Variants in KCNQ3 observed in about 807,000 individuals in gnomAD.
The protein encoded by KCNQ3 is potassium voltage-gated channel subfamily KQT member 3.
A neutral mutation model predicts 92.5 loss-of-function variants in KCNQ3; 30 were observed. The ratio of observed to expected loss-of-function variants is 0.32; its 90% CI spans 0.24 to 0.44. The LOEUF is 0.44. Ranked by LOEUF, KCNQ3 falls within the 20% of genes least tolerant of loss-of-function variation. The pLI is 1.00. For missense variants in KCNQ3, 913 were observed against 1,140.3 expected (o/e 0.80, Z 2.87); for synonymous variants, 450 against 468.8 (o/e 0.96, Z 0.52).
At chr8:132,130,233 C>T (rs1160290731) in intron 14 of KCNQ3, among the ~76,000 whole-genome samples, 2 of 152,058 alleles carry the variant, frequency 1.3e-5, no homozygotes, top group Non-Finnish European at 2.9e-5. Flanking sequence ...AGGCACCCGC[C>T]ACCATGCCAG....
At chr8:132,388,227 G>A (rs139057252) in intron 1 of KCNQ3, among the ~76,000 whole-genome samples, 90 of 152,226 alleles carry the variant, frequency 5.9e-4, no homozygotes, top group African/African-American at 1.3e-3. Context: ...AGGCATAGTC[G>A]TTGTTTGCTC....
At position 132,246,141 on chromosome 8, in the gene KCNQ3, A is replaced by C. The variant is rs753568290; in HGVS notation, c.387-59960T>G. Among the ~76,000 whole-genome samples, 6 of 152,204 alleles carry C rather than the reference A, an allele frequency of 3.9e-5. No individual in the cohort carries two copies. The South Asian group carries it at 8.3e-4, about 21-fold the overall frequency. ...GGCCAGGGGCCCTCAGTTATTTCAG[A>C]AGAGTACAGCTGCTTACAGAAAACA... On this transcript the variant is annotated intron_variant, in intron 1 of 14. Transcript: ENST00000388996.
chr8:132,159,682 A>T (rs1825924179), intron 9 of KCNQ3, among the ~76,000 whole-genome samples: 1 of 152,168 alleles, frequency 6.6e-6, no homozygotes, highest in African/African-American at 2.4e-5. Context: ...CAGAGATAAG[A>T]GATAAAGAGA....
At chr8:132,179,486 T>A (rs551081605) in intron 4 of KCNQ3, among the ~76,000 whole-genome samples, 1 of 152,102 alleles carries the variant, frequency 6.6e-6, no homozygotes, top group Non-Finnish European at 1.5e-5. Context: ...GTCAGTGTAA[T>A]GGAGTGGCAA....
intron 1 of KCNQ3, among the ~76,000 whole-genome samples, chr8:132,478,339 C>T (rs1159659654): frequency 6.6e-6 from 1 of 152,136 alleles, no homozygotes; most frequent in East Asian, 1.9e-4. Flanking sequence ...AGGGAGCCCA[C>T]ATGCTTCCAT....
intron 1 of KCNQ3, among the ~76,000 whole-genome samples, chr8:132,273,710 G>C (rs966482770): frequency 1.3e-5 from 2 of 152,088 alleles, no homozygotes; most frequent in African/African-American, 4.8e-5. Context: ...GTCTTTAACA[G>C]CACCCAGTTC....
chr8:132,298,237 G>A (rs1048911971), intron 1 of KCNQ3, among the ~76,000 whole-genome samples: 8 of 152,142 alleles, frequency 5.3e-5, no homozygotes, highest in Non-Finnish European at 8.8e-5. Flanking sequence ...GAATTCCTGG[G>A]CAAACTCCCT....
intron 1 of KCNQ3, among the ~76,000 whole-genome samples, chr8:132,353,477 A>T (rs1818933511): frequency 6.6e-6 from 1 of 152,202 alleles, no homozygotes; most frequent in South Asian, 2.1e-4. Context: ...CTGAAGAGGG[A>T]CTTTGTGCAA....
At chr8:132,371,488 G>A (rs772625447) in intron 1 of KCNQ3, among the ~76,000 whole-genome samples, 6 of 152,180 alleles carry the variant, frequency 3.9e-5, no homozygotes, top group Admixed American at 1.3e-4. Flanking sequence ...TCTGACCTGC[G>A]TCATCAAGGA....
At chr8:132,429,073 G>A (rs1821181242) in intron 1 of KCNQ3, among the ~76,000 whole-genome samples, 3 of 152,194 alleles carry the variant, frequency 2.0e-5, no homozygotes, top group Admixed American at 2.0e-4. Context: ...TTGAATTAAT[G>A]CTTTATATTT....
chr8:132,423,152 C>A (rs1200785793), intron 1 of KCNQ3, among the ~76,000 whole-genome samples: 1 of 152,182 alleles, frequency 6.6e-6, no homozygotes, highest in Non-Finnish European at 1.5e-5. Flanking sequence ...CACCCCTCTG[C>A]CACCTGTTGA....
At chr8:132,189,907 A>AAAAAAGAG (rs1480816124) in intron 1 of KCNQ3, among the ~76,000 whole-genome samples, 1 of 132,218 alleles carries the variant, frequency 7.6e-6, no homozygotes, top group Admixed American at 7.0e-5. Context: ...AAAAAAAAAA[A>AAAAAAGAG]AGAGAGAGAG....
At chr8:132,261,413 G>A (rs1815781199) in intron 1 of KCNQ3, among the ~76,000 whole-genome samples, 1 of 152,182 alleles carries the variant, frequency 6.6e-6, no homozygotes. Context: ...CATTCTCACT[G>A]TGCCAATGTG....
intron 1 of KCNQ3, among the ~76,000 whole-genome samples, chr8:132,213,509 C>A (rs1176467037): frequency 6.6e-6 from 1 of 152,216 alleles, no homozygotes; most frequent in Non-Finnish European, 1.5e-5. Flanking sequence ...TGGCTGCTGA[C>A]AACTTCCCAG....
intron 1 of KCNQ3, among the ~76,000 whole-genome samples, chr8:132,193,701 T>A (rs1042471393): frequency 6.6e-6 from 1 of 152,230 alleles, no homozygotes; most frequent in Non-Finnish European, 1.5e-5. Context: ...ATTTTCTCTT[T>A]TACTCCTGAG....
intron 1 of KCNQ3, among the ~76,000 whole-genome samples, chr8:132,332,046 C>G (rs967717640): frequency 2.6e-5 from 4 of 152,196 alleles, no homozygotes; most frequent in Admixed American, 1.3e-4. Flanking sequence ...GCTTATAATG[C>G]ATAGAGTAGG....
In KCNQ3 at chr8:132,186,164, C is replaced by A. The variant is rs1826949634; in HGVS notation, c.404G>T (p.Gly135Val). The A allele has an allele frequency of 1.9e-6, 3 of 1,613,498 alleles. No homozygotes were observed. The highest frequency in any genetic ancestry group is 2.5e-6 in the Non-Finnish European group (3 of 1,179,470). The change falls in exon 2 of 15, where the codon GGG becomes GTG. Residue 135 changes from glycine to valine, a missense_variant. This residue lies in a region of KCNQ3 where 100 missense variants were observed against 217.6 expected (regional missense o/e 0.46). Coordinates refer to ENST00000388996, the MANE Select transcript of KCNQ3 (RefSeq NM_004519.4). ...GGTCAGGACAGCCAGAATCAAGCAC[C>A]CCAGGACAATCAGGAACCTAGAGGG... ...YHALVFLIVL[G>V]CLILAVLTTF...
At chr8:132,143,679 A>C (rs1563770298) in intron 9 of KCNQ3, among the ~76,000 whole-genome samples, 2 of 152,206 alleles carry the variant, frequency 1.3e-5, no homozygotes, top group Non-Finnish European at 1.5e-5. Context: ...TGCTCAGCCA[A>C]CTGAGATTCA....
intron 1 of KCNQ3, among the ~76,000 whole-genome samples, chr8:132,416,173 A>T (rs541401805): frequency 2.0e-5 from 3 of 152,344 alleles, no homozygotes; most frequent in African/African-American, 7.2e-5. Flanking sequence ...TAAGCAAAAA[A>T]TAATTTTCCT....
Sources: allele counts gnomAD v4.1 joint callset (sites outside exome capture counted in the v4.1 genomes callset), GRCh38; gene constraint gnomAD v4.1.1; regional missense constraint gnomAD v4.1.1; transcripts MANE v1.5; gene names NCBI Gene and HGNC (gene_info 2026-07-23, HGNC 2026-07-21).